The following MAD1L1 variants were observed in gnomAD, a reference collection of about 807,000 sequenced individuals.
MAD1L1 encodes the protein mitotic arrest deficient 1 like 1, also known as mitotic spindle assembly checkpoint protein MAD1.
In MAD1L1, 95 loss-of-function variants were observed where a neutral mutation model predicts 96.9. The observed-to-expected ratio is 0.98, with a 90% CI of 0.83 to 1.16. The LOEUF is 1.16. Among genes scored for constraint, MAD1L1 ranks in the 50% most tolerant of loss-of-function variants. The probability of loss-of-function intolerance (pLI) is 0.00; values close to 1 mark genes in which losing one functional copy is unlikely to be tolerated. For missense variants in MAD1L1, 1,007 were observed against 954.4 expected, an observed-to-expected ratio of 1.06 and a Z score of -0.73; for synonymous variants, 473 against 396.6, an observed-to-expected ratio of 1.19 and a Z score of -2.29.
chr7:2,016,236 G>C (rs571461962), intron 12 of MAD1L1, among the ~76,000 whole-genome samples: 1 of 152,332 alleles, frequency 6.6e-6, no homozygotes, highest in South Asian at 2.1e-4. Flanking sequence ...TGCTGCGCAA[G>C]GGGCCAATGC....
chr7:1,892,046 C>T (rs1786573622), intron 18 of MAD1L1, among the ~76,000 whole-genome samples: 2 of 152,232 alleles, frequency 1.3e-5, no homozygotes, highest in South Asian at 2.1e-4. Flanking sequence ...CTGCGAGCTC[C>T]GTTCACGGTG....
intron 15 of MAD1L1, among the ~76,000 whole-genome samples, chr7:1,966,990 C>T (rs55669070): frequency 0.034 from 5,209 of 152,302 alleles, 191 homozygotes; most frequent in Admixed American, 0.098. Context: ...CCTGGAGCAT[C>T]GACAATGAAG....
chr7:2,035,254 C>T (rs112578690), intron 12 of MAD1L1, among the ~76,000 whole-genome samples: 3,073 of 136,106 alleles, frequency 0.023, 165 homozygotes, highest in Admixed American at 0.063. Context: ...CAGGCATGAG[C>T]GCGGGAGCGC....
At chr7:2,173,667 G>A (rs570995791) in intron 10 of MAD1L1, among the ~76,000 whole-genome samples, 1 of 152,318 alleles carries the variant, frequency 6.6e-6, no homozygotes, top group African/African-American at 2.4e-5. Flanking sequence ...CCCGGGCACA[G>A]GCATCATCTT....
chr7:1,916,729 C>T (rs1055506003), intron 17 of MAD1L1, among the ~76,000 whole-genome samples: 5 of 152,110 alleles, frequency 3.3e-5, no homozygotes, highest in Non-Finnish European at 4.4e-5. Flanking sequence ...TGCCTCCCTG[C>T]AGCTCCCCTC....
chr7:2,034,376 C>A (rs1438465625), intron 12 of MAD1L1, among the ~76,000 whole-genome samples: 3 of 151,990 alleles, frequency 2.0e-5, no homozygotes, highest in Non-Finnish European at 4.4e-5. Context: ...ACCACCACGC[C>A]CAGCTAATTT....
intron 18 of MAD1L1, among the ~76,000 whole-genome samples, chr7:1,890,661 C>T (rs747276792): frequency 2.6e-5 from 4 of 152,230 alleles, no homozygotes; most frequent in Non-Finnish European, 5.9e-5. Context: ...CAGGCTGTGC[C>T]GGCCACTACA....
At chr7:2,047,570 GC>G (rs1233802786) in intron 12 of MAD1L1, among the ~76,000 whole-genome samples, 1 of 152,188 alleles carries the variant, frequency 6.6e-6, no homozygotes, top group Non-Finnish European at 1.5e-5. Context: ...GTTGGGGCTG[GC>G]CTTGTCTGCT....
chr7:1,825,866 G>C (rs1189895990), intron 18 of MAD1L1, among the ~76,000 whole-genome samples: 3 of 152,096 alleles, frequency 2.0e-5, no homozygotes, highest in Admixed American at 1.3e-4. Flanking sequence ...GGTCAGCATA[G>C]TCCCAGCCCT....
chr7:2,180,678 G>C (rs1367342743), intron 10 of MAD1L1, among the ~76,000 whole-genome samples: 2 of 152,144 alleles, frequency 1.3e-5, no homozygotes, highest in Non-Finnish European at 2.9e-5. Context: ...TTGTCAGATT[G>C]TTCACTGCTA....
intron 10 of MAD1L1, among the ~76,000 whole-genome samples, chr7:2,206,122 A>G (rs1431740253): frequency 3.3e-5 from 5 of 152,222 alleles, no homozygotes; most frequent in African/African-American, 1.2e-4. Context: ...ACAGAGCAAG[A>G]TTCCATCTCC....
At position 2,069,272 on chromosome 7, in the gene MAD1L1, C is replaced by G; in HGVS notation, c.1140G>C (p.Leu380=). The G allele has an allele frequency of 6.2e-7, 1 of 1,611,712 alleles. No homozygotes were observed. The highest frequency in any genetic ancestry group is 8.5e-7 in the Non-Finnish European group (1 of 1,179,658). The change falls in exon 12 of 19, where the codon CTG becomes CTC. Residue 380 remains leucine (L), a synonymous_variant. Coordinates refer to ENST00000265854, the MANE Select transcript of MAD1L1 (RefSeq NM_001013836.2). ...QEELRQVSGQ[L]LEERKKRETH... ...TCTCGCGCTTCTTCCTCTCCTCCAA[C>G]AGCTGGCCGCTGACCTGCCGGAGCT... is the stretch of plus-strand genomic sequence containing the variant.
intron 17 of MAD1L1, among the ~76,000 whole-genome samples, chr7:1,916,440 GAGCAAAACA>G (rs1321202715): frequency 6.6e-6 from 1 of 152,156 alleles, no homozygotes; most frequent in African/African-American, 2.4e-5. Context: ...ACAGAAAGAG[GAGCAAAACA>G]CACGTCATGG....
chr7:2,115,408 A>G (rs1020193035), intron 11 of MAD1L1, among the ~76,000 whole-genome samples: 6 of 133,480 alleles, frequency 4.5e-5, no homozygotes, highest in Admixed American at 1.5e-4. Flanking sequence ...CAGGGTCCCC[A>G]CGTGTTCTGG....
chr7:2,076,265 T>C (rs1473737593), intron 11 of MAD1L1, among the ~76,000 whole-genome samples: 1 of 152,140 alleles, frequency 6.6e-6, no homozygotes, highest in African/African-American at 2.4e-5. Flanking sequence ...AGATCCCCAA[T>C]GTGATGGTGA....
At chr7:2,110,282 T>C (rs1244663550) in intron 11 of MAD1L1, among the ~76,000 whole-genome samples, 2 of 152,132 alleles carry the variant, frequency 1.3e-5, no homozygotes, top group Admixed American at 1.3e-4. Context: ...GACTGTGCGC[T>C]CACAGCCGTG....
chr7:2,019,905 T>A (rs1273091340), intron 12 of MAD1L1, among the ~76,000 whole-genome samples: 1 of 151,466 alleles, frequency 6.6e-6, no homozygotes, highest in Non-Finnish European at 1.5e-5. Context: ...TAAACGAGGT[T>A]TTTTTTTTTG....
intron 12 of MAD1L1, among the ~76,000 whole-genome samples, chr7:2,045,954 C>T (rs748334930): frequency 1.7e-4 from 26 of 152,222 alleles, no homozygotes; most frequent in South Asian, 4.1e-4. Context: ...CACCACAGGC[C>T]GCCACAGCCC....
chr7:1,980,443 G>C lies in MAD1L1; in HGVS notation c.1505+10C>G, dbSNP rs764550748. The C allele has an allele frequency of 6.2e-7, 1 of 1,608,008 alleles. No homozygotes were observed. Among genetic ancestry groups the C allele is most frequent in the Non-Finnish European group, 8.5e-7 (1 of 1,177,194 alleles). Reference sequence around the variant, plus strand: ...CCTGGGCGTGTCCGCCTCCTCTCTGGGGGACGTACCTGAGCGTGTCCGCCT... The same window carrying C: ...CCTGGGCGTGTCCGCCTCCTCTCTGCGGGACGTACCTGAGCGTGTCCGCCT... On this transcript the variant is annotated intron_variant, in intron 15 of 18. Transcript: ENST00000265854.
Sources: allele counts gnomAD v4.1 joint callset (sites outside exome capture counted in the v4.1 genomes callset), GRCh38; gene constraint gnomAD v4.1.1; transcripts MANE v1.5; gene names NCBI Gene and HGNC (gene_info 2026-07-23, HGNC 2026-07-21).